The following CDYL2 variants were observed in gnomAD, a reference collection of about 807,000 sequenced individuals.
CDYL2 encodes the protein chromodomain Y-like protein 2.
Under a neutral mutation model 49.4 loss-of-function variants are expected in CDYL2, and 23 were observed. That is an observed-to-expected ratio of 0.47 (90% confidence interval 0.34 to 0.66). CDYL2 has a LOEUF of 0.66. Ranked by LOEUF, CDYL2 falls within the 30% of genes least tolerant of loss-of-function variation. The pLI is 0.01. For synonymous variants in CDYL2, 360 were observed against 268.8 expected, an observed-to-expected ratio of 1.34 and a Z score of -3.32; for missense variants, 678 against 656.4, an observed-to-expected ratio of 1.03 and a Z score of -0.36.
chr16:80,701,966 G>T (rs2142501378), intron 1 of CDYL2, among the ~76,000 whole-genome samples: 1 of 152,256 alleles, frequency 6.6e-6, no homozygotes, highest in South Asian at 2.1e-4. Flanking sequence ...AAGAAAGCAA[G>T]CCTGAAAACA....
intron 1 of CDYL2, among the ~76,000 whole-genome samples, chr16:80,715,013 A>G (rs1160951489): frequency 6.6e-6 from 1 of 152,246 alleles, no homozygotes; most frequent in East Asian, 1.9e-4. Flanking sequence ...CCCCAGAGAG[A>G]AACATCAACA....
intron 2 of CDYL2, among the ~76,000 whole-genome samples, chr16:80,684,151 G>C (rs1185890412): frequency 1.3e-5 from 2 of 152,192 alleles, no homozygotes; most frequent in Admixed American, 6.5e-5. Flanking sequence ...CAAGGGCTCT[G>C]CACTGTGCCC....
rs187477248 is a variant in CDYL2, at chr16:80,764,318, T to C, written c.24+39832A>G. Among the ~76,000 whole-genome samples, 20 of 152,244 alleles carry C rather than the reference T, an allele frequency of 1.3e-4. No individual in the cohort carries two copies. The East Asian group carries it at 3.3e-3, about 25-fold the overall frequency. On this transcript the variant is annotated intron_variant, in intron 1 of 6. Transcript: ENST00000570137. Reference sequence around the variant, plus strand: ...TATATGTGACCTATATAAAGACAACTGCAAGACTGTTCTGAGAGACAGAAA... The same window carrying C: ...TATATGTGACCTATATAAAGACAACCGCAAGACTGTTCTGAGAGACAGAAA...
chr16:80,773,580 T>TA (rs1290750217), intron 1 of CDYL2, among the ~76,000 whole-genome samples: 2 of 152,194 alleles, frequency 1.3e-5, no homozygotes, highest in Admixed American at 1.3e-4. Context: ...GCAATTCTGA[T>TA]ACATCTTAAA....
Position 80,612,867 on chromosome 16 carries a change from G to C in CDYL2, c.1008-31C>G, listed in dbSNP as rs777436695. ...AGAGAAAGAAGATCCTCTTGAACAG[G>C]TGACTATAGCATGCTAAGCCCCACT... On this transcript the variant is annotated intron_variant, in intron 4 of 6. Transcript: ENST00000570137. This position sits in a 1 kb window ranked among gnomAD's most constrained non-coding sequence, Gnocchi z 5.0. The C allele has an allele frequency of 1.3e-6, 2 of 1,568,100 alleles. No individual in the cohort carries two copies. The highest frequency in any genetic ancestry group is 1.7e-6 in the Non-Finnish European group (2 of 1,152,948).
intron 1 of CDYL2, among the ~76,000 whole-genome samples, chr16:80,762,799 A>G (rs1054220143): frequency 1.3e-5 from 2 of 152,120 alleles, no homozygotes; most frequent in African/African-American, 2.4e-5. Flanking sequence ...CATAGGGCAG[A>G]GACGTGTCCT....
At chr16:80,762,859 G>A (rs1330020218) in intron 1 of CDYL2, among the ~76,000 whole-genome samples, 1 of 152,118 alleles carries the variant, frequency 6.6e-6, no homozygotes, top group Non-Finnish European at 1.5e-5. Context: ...TGTGCCTAAG[G>A]ACAGAATGTG....
At chr16:80,734,310 G>A (rs1398895565) in intron 1 of CDYL2, among the ~76,000 whole-genome samples, 1 of 152,180 alleles carries the variant, frequency 6.6e-6, no homozygotes, top group African/African-American at 2.4e-5. Context: ...ACATGGAGTA[G>A]GACTTCGGGG....
chr16:80,657,913 G>C (rs1205617654), intron 2 of CDYL2, among the ~76,000 whole-genome samples: 1 of 152,074 alleles, frequency 6.6e-6, no homozygotes, highest in East Asian at 1.9e-4. Flanking sequence ...TGCAAGCATA[G>C]ACTGGTGAAA....
At chr16:80,746,841 C>G (rs1422742605) in intron 1 of CDYL2, among the ~76,000 whole-genome samples, 1 of 151,900 alleles carries the variant, frequency 6.6e-6, no homozygotes, top group African/African-American at 2.4e-5. Flanking sequence ...GCTTAAAAAA[C>G]TGAGCAGACT....
At chr16:80,673,219 CAG>C (rs1320768993) in intron 2 of CDYL2, among the ~76,000 whole-genome samples, 1 of 152,146 alleles carries the variant, frequency 6.6e-6, no homozygotes, top group African/African-American at 2.4e-5. Flanking sequence ...ACTCAGGAGG[CAG>C]AGGCAGGAGA....
rs144674540 is a variant in CDYL2 at position 80,599,482 on chromosome 16, G to A, written c.*4906C>T. On this transcript the variant is annotated 3_prime_UTR_variant, in exon 7 of 7. Transcript: ENST00000570137. ...CAGTCCTGGATAGACATATTCAGCT[G>A]ATATGTTATGTTCTACATTTAGTTT... 7 of 152,304 alleles carry A rather than the reference G, an allele frequency of 4.6e-5. No homozygotes were observed. The highest frequency in any genetic ancestry group is 1.7e-4 in the African/African-American group (7 of 41,560). 9.4% of individuals were successfully genotyped at this position (152,304 alleles called of 1,614,324 possible).
chr16:80,713,019 G>C (rs912392705), intron 1 of CDYL2, among the ~76,000 whole-genome samples: 14 of 152,256 alleles, frequency 9.2e-5, no homozygotes, highest in Admixed American at 8.5e-4. Context: ...TTGTGGCTTC[G>C]CTCATTGTTT....
intron 1 of CDYL2, among the ~76,000 whole-genome samples, chr16:80,770,122 G>C (rs1906857832): frequency 2.0e-5 from 3 of 152,104 alleles, no homozygotes; most frequent in African/African-American, 7.2e-5. Context: ...GAAAAAAAAT[G>C]ATAGGCAAAA....
At chr16:80,776,829 T>G (rs992826786) in intron 1 of CDYL2, among the ~76,000 whole-genome samples, 1 of 151,866 alleles carries the variant, frequency 6.6e-6, no homozygotes, top group African/African-American at 2.4e-5. Context: ...AACTTTTTTT[T>G]TTTTTGGAGA....
chr16:80,664,230 T>C (rs1344560512), intron 2 of CDYL2, among the ~76,000 whole-genome samples: 1 of 152,224 alleles, frequency 6.6e-6, no homozygotes, highest in Non-Finnish European at 1.5e-5. Flanking sequence ...CTTCCAGGAC[T>C]GTCTGAGGTT....
chr16:80,651,781 G>T (rs1379489428), intron 2 of CDYL2, among the ~76,000 whole-genome samples: 2 of 152,192 alleles, frequency 1.3e-5, no homozygotes, highest in South Asian at 2.1e-4. Flanking sequence ...ACTCTACACA[G>T]CACTGTACTC....
chr16:80,642,351 G>A (rs1236330257), intron 2 of CDYL2, among the ~76,000 whole-genome samples: 1 of 152,150 alleles, frequency 6.6e-6, no homozygotes, highest in Non-Finnish European at 1.5e-5. Flanking sequence ...GCTGAGTTGA[G>A]AGAATGGCTT....
intron 2 of CDYL2, among the ~76,000 whole-genome samples, chr16:80,640,282 T>A (rs1214654494): frequency 6.6e-6 from 1 of 152,084 alleles, no homozygotes; most frequent in African/African-American, 2.4e-5. Flanking sequence ...AACAGCTCAG[T>A]CACAGCAGGA....
Sources: allele counts gnomAD v4.1 joint callset (sites outside exome capture counted in the v4.1 genomes callset), GRCh38; gene constraint gnomAD v4.1.1; non-coding constraint Gnocchi (gnomAD v3.1); transcripts MANE v1.5; gene names NCBI Gene and HGNC (gene_info 2026-07-23, HGNC 2026-07-21).